Variants in AMMECR1 observed in about 807,000 individuals in gnomAD.
AMMECR1 encodes the protein nuclear protein AMMECR1.
In AMMECR1, 3 loss-of-function variants were observed where a neutral mutation model predicts 22.5. That is an observed-to-expected ratio of 0.13 (90% CI 0.06 to 0.35). The LOEUF is 0.35. Ranked by LOEUF, AMMECR1 falls within the 10% of genes least tolerant of loss-of-function variation. The probability of loss-of-function intolerance (pLI) is 1.00; values close to 1 mark genes in which losing one functional copy is unlikely to be tolerated. For missense variants in AMMECR1, 235 were observed against 278.7 expected, an observed-to-expected ratio of 0.84 and a Z score of 1.12; for synonymous variants, 130 against 116.7, an observed-to-expected ratio of 1.11 and a Z score of -0.74.
At chrX:110,386,354 T>A (rs2068455215) in intron 2 of AMMECR1, among the ~76,000 whole-genome samples, 1 of 110,096 alleles carries the variant, frequency 9.1e-6, no homozygotes, top group Non-Finnish European at 1.9e-5. Context: ...TATTTTATTT[T>A]TTATTTATTT....
At chrX:110,424,713 T>C (rs1314141168) in intron 2 of AMMECR1, among the ~76,000 whole-genome samples, 2 of 111,896 alleles carry the variant, frequency 1.8e-5, no homozygotes, top group Non-Finnish European at 3.8e-5. Context: ...ATAAGTAGTA[T>C]ATCAGAGTAT....
intron 1 of AMMECR1, among the ~76,000 whole-genome samples, chrX:110,286,646 T>G (rs1389564634): frequency 9.8e-6 from 1 of 102,476 alleles, no homozygotes; most frequent in Non-Finnish European, 2.0e-5. Context: ...CCCTCCAGCC[T>G]GGGTGGCAGA....
At chrX:110,406,449 T>G (rs891814852) in intron 2 of AMMECR1, among the ~76,000 whole-genome samples, 15 of 112,253 alleles carry the variant, frequency 1.3e-4, no homozygotes, top group African/African-American at 4.9e-4. Flanking sequence ...TTCTTTTTTA[T>G]GGCTGCATAA....
At chrX:110,289,738 G>A (rs1183730187) in intron 1 of AMMECR1, among the ~76,000 whole-genome samples, 1 of 111,926 alleles carries the variant, frequency 8.9e-6, no homozygotes, top group East Asian at 2.8e-4. Flanking sequence ...ATACACAGAT[G>A]GCACTCAAAT....
At chrX:110,313,918 T>C (rs1156824046) in intron 1 of AMMECR1, among the ~76,000 whole-genome samples, 1 of 111,729 alleles carries the variant, frequency 9.0e-6, no homozygotes, top group East Asian at 2.8e-4. Context: ...CAAGTACTTA[T>C]TCAGGTCCTC....
chrX:110,206,178 C>T lies in AMMECR1; in HGVS notation c.700-3642G>A, dbSNP rs764224098. On this transcript the variant is annotated intron_variant, in intron 3 of 5. Coordinates refer to ENST00000262844, the MANE Select transcript of AMMECR1 (RefSeq NM_015365.3). ...TTTTTCACTCCTCTATCAGATAGCA[C>T]GTGGTCACAGAAAGAAGAGGTACAC... is the stretch of plus-strand genomic sequence containing the variant. Among the ~76,000 whole-genome samples the T allele has an allele frequency of 2.7e-5, 3 of 111,888 alleles. No homozygotes were observed. The South Asian group carries it at 1.1e-3, about 41-fold the overall frequency.
chrX:110,372,460 G>A (rs2068345901), intron 2 of AMMECR1, among the ~76,000 whole-genome samples: 1 of 111,441 alleles, frequency 9.0e-6, no homozygotes, highest in Non-Finnish European at 1.9e-5. Flanking sequence ...TTAAGTTTGT[G>A]TACATAAAAT....
Position 110,194,209 on chromosome X carries a change from A to AAAT in AMMECR1, c.*4308_*4310dup, listed in dbSNP as rs2067359744. The stretch of plus-strand genomic sequence containing the variant: ...ACTCGGTTTTAACATTTTATTGGGT[A>AAAT]AATGATTTTAAAGGTAATAACAATA... On this transcript the variant is annotated 3_prime_UTR_variant, in exon 6 of 6. Transcript: ENST00000262844. 1.8e-5 allele frequency: 2 copies of AAAT among 112,387 alleles called. No homozygotes were observed. Among genetic ancestry groups the AAAT allele is most frequent in the Non-Finnish European group, 3.8e-5 (2 of 53,274 alleles). The allele number at this position is 112,387 out of a possible 1,213,427, so 9.3% of individuals were successfully genotyped here. A position where few individuals can be genotyped will look rare whatever the true frequency, so the allele number is the denominator to read the frequency against.
chrX:110,249,596 T>G (rs770846911), intron 2 of AMMECR1, among the ~76,000 whole-genome samples: 3 of 111,313 alleles, frequency 2.7e-5, no homozygotes, highest in Non-Finnish European at 5.6e-5. Flanking sequence ...CAAGCAGAGA[T>G]ATGTTTAAAG....
At chrX:110,313,917 A>G (rs1451586150) in intron 1 of AMMECR1, among the ~76,000 whole-genome samples, 1 of 111,773 alleles carries the variant, frequency 8.9e-6, no homozygotes, top group African/African-American at 3.3e-5. Flanking sequence ...TCAAGTACTT[A>G]TTCAGGTCCT....
intron 2 of AMMECR1, among the ~76,000 whole-genome samples, chrX:110,263,656 T>A (rs750816927): frequency 8.9e-6 from 1 of 111,957 alleles, no homozygotes; most frequent in Admixed American, 9.5e-5. Flanking sequence ...TTGAGAAACA[T>A]GCCCCAAGTA....
chrX:110,316,314 T>G (rs1470767094), intron 1 of AMMECR1, among the ~76,000 whole-genome samples: 1 of 111,737 alleles, frequency 8.9e-6, no homozygotes, highest in East Asian at 2.8e-4. Flanking sequence ...TCCTCTAATC[T>G]CACAAAATGA....
intron 3 of AMMECR1, among the ~76,000 whole-genome samples, chrX:110,209,022 C>A (rs1230098504): frequency 9.9e-6 from 1 of 101,395 alleles, no homozygotes; most frequent in Non-Finnish European, 2.0e-5. Flanking sequence ...AATTTACAGA[C>A]AAGAAAACTA....
chrX:110,399,157 T>A (rs917611382), intron 2 of AMMECR1, among the ~76,000 whole-genome samples: 2 of 112,285 alleles, frequency 1.8e-5, no homozygotes, highest in African/African-American at 6.5e-5. Context: ...ATACAGTGTA[T>A]CACATAATGA....
chrX:110,312,398 T>C (rs2148224340), intron 1 of AMMECR1, among the ~76,000 whole-genome samples: 1 of 112,203 alleles, frequency 8.9e-6, no homozygotes, highest in East Asian at 2.8e-4. Flanking sequence ...CATTTTTTAC[T>C]TTTTCAGTAG....
At chrX:110,340,299 T>C (rs761830737) in intron 2 of AMMECR1, among the ~76,000 whole-genome samples, 1 of 111,930 alleles carries the variant, frequency 8.9e-6, no homozygotes, top group South Asian at 3.8e-4. Context: ...TAAGTGTAGG[T>C]AGTGAATTTT....
At chrX:110,422,986 G>A (rs1255732163) in intron 2 of AMMECR1, among the ~76,000 whole-genome samples, 5 of 111,880 alleles carry the variant, frequency 4.5e-5, no homozygotes, top group Non-Finnish European at 7.5e-5. Flanking sequence ...AGCCTAGGCC[G>A]TGAGTTGATC....
rs2067364344 is a variant in AMMECR1 at position 110,195,223 on chromosome X, G to A, written c.*3297C>T. Reference sequence around the variant, plus strand: ...CTGGGCACTGGGACTGTATGTGCTGGACTGAAAATCTTACAACTGCTTTAA... The same window carrying A: ...CTGGGCACTGGGACTGTATGTGCTGAACTGAAAATCTTACAACTGCTTTAA... On this transcript the variant is annotated 3_prime_UTR_variant, in exon 6 of 6. Transcript: ENST00000262844. The A allele has an allele frequency of 8.9e-6, 1 of 111,945 alleles. No homozygotes were observed. Among genetic ancestry groups the A allele is most frequent in the African/African-American group, 3.3e-5 (1 of 30,759 alleles). The allele number at this position is 111,945 out of a possible 1,213,427, so 9.2% of individuals were successfully genotyped here.
chrX:110,386,724 C>G (rs1360021489), intron 2 of AMMECR1, among the ~76,000 whole-genome samples: 1 of 111,708 alleles, frequency 9.0e-6, no homozygotes, highest in Non-Finnish European at 1.9e-5. Context: ...AGAATGAGAT[C>G]TAAAATCACC....
Sources: allele counts gnomAD v4.1 joint callset (sites outside exome capture counted in the v4.1 genomes callset), GRCh38; gene constraint gnomAD v4.1.1; transcripts MANE v1.5; gene names NCBI Gene and HGNC (gene_info 2026-07-23, HGNC 2026-07-21).